Variants in PODXL observed in about 807,000 individuals in gnomAD.
PODXL encodes the protein podocalyxin.
Under a neutral mutation model 48.9 loss-of-function variants are expected in PODXL, and 20 were observed. The ratio of observed to expected loss-of-function variants is 0.41; its 90% confidence interval spans 0.29 to 0.59. PODXL has a LOEUF of 0.59. Among genes scored for constraint, PODXL ranks in the 20% least tolerant of loss-of-function variants. PODXL has a pLI of 0.31. For synonymous variants in PODXL, 295 were observed against 287.4 expected, an observed-to-expected ratio of 1.03 and a Z score of -0.27; for missense variants, 606 against 675.1, an observed-to-expected ratio of 0.90 and a Z score of 1.13.
Position 131,528,181 on chromosome 7 carries a change from C to T in PODXL, c.101-16748G>A, listed in dbSNP as rs138520023. 8.1e-3 allele frequency among the ~76,000 whole-genome samples: 1,240 copies of T among 152,218 alleles called. 23 individuals are homozygous for T. The highest frequency in any genetic ancestry group is 0.026 in the African/African-American group (1,077 of 41,530). ...AAAGTGCTGGGATTTCAGGCGTGAG[C>T]CACCGCACCCAGCTAACACTTCCGT... On this transcript the variant is annotated intron_variant, in intron 1 of 8. Transcript: ENST00000378555.
chr7:131,517,382 C>A (rs563017570), intron 1 of PODXL, among the ~76,000 whole-genome samples: 1 of 152,224 alleles, frequency 6.6e-6, no homozygotes, highest in African/African-American at 2.4e-5. Context: ...CACTGACTTC[C>A]TAGGTGTAGG....
chr7:131,542,540 C>T (rs540163800), intron 1 of PODXL, among the ~76,000 whole-genome samples: 1 of 152,162 alleles, frequency 6.6e-6, no homozygotes, highest in East Asian at 1.9e-4. Flanking sequence ...GCCTGTGGTC[C>T]CAGCTACACA....
intron 1 of PODXL, among the ~76,000 whole-genome samples, chr7:131,532,179 T>G (rs1470598074): frequency 6.7e-6 from 1 of 149,156 alleles, no homozygotes; most frequent in East Asian, 2.0e-4. Context: ...CTCAAGCCTG[T>G]AATCTCAGCA....
intron 1 of PODXL, among the ~76,000 whole-genome samples, chr7:131,527,900 CTT>C (rs759943507): frequency 2.0e-4 from 23 of 116,516 alleles, no homozygotes; most frequent in South Asian, 1.6e-3. Context: ...TAGTCAGACA[CTT>C]TTTTTTTTTT....
In PODXL at chr7:131,511,177, G is replaced by A. The variant is rs146590589; in HGVS notation, c.357C>T (p.Thr119=). The change falls in exon 2 of 9, where the codon ACC becomes ACT. Residue 119 remains threonine (T), a synonymous_variant. Transcript: ENST00000378555. ...RGGGSGNPTT[T]IESPKSTKSA... is the part of the protein sequence containing the mutation. ...TTTTTGTGCTCTTGGGGCTCTCGAT[G>A]GTGGTAGTAGGGTTGCCTGAGCCGC... is the stretch of plus-strand genomic sequence containing the variant. 2,538 of 1,614,036 alleles carry A rather than the reference G, an allele frequency of 1.6e-3. 47 individuals carry two copies. In the South Asian group the frequency reaches 0.019, roughly 12 times the overall value.
intron 1 of PODXL, among the ~76,000 whole-genome samples, chr7:131,554,793 C>T (rs117263618): frequency 0.014 from 2,070 of 152,240 alleles, 21 homozygotes; most frequent in Non-Finnish European, 0.02. Flanking sequence ...TAAGAGGCTT[C>T]CCAACAAAAG....
intron 1 of PODXL, among the ~76,000 whole-genome samples, chr7:131,546,876 T>G (rs1260726427): frequency 2.6e-5 from 4 of 152,146 alleles, no homozygotes; most frequent in Non-Finnish European, 5.9e-5. Flanking sequence ...AAGCCCACCC[T>G]GGCCACCTTC....
intron 1 of PODXL, among the ~76,000 whole-genome samples, chr7:131,512,873 T>C (rs1797936857): frequency 6.6e-6 from 1 of 151,678 alleles, no homozygotes; most frequent in African/African-American, 2.4e-5. Flanking sequence ...CTGGGCGTGG[T>C]GATCCCAGCT....
chr7:131,553,856 A>C (rs142443322), intron 1 of PODXL, among the ~76,000 whole-genome samples: 2 of 152,322 alleles, frequency 1.3e-5, no homozygotes, highest in Non-Finnish European at 2.9e-5. Context: ...AACGAAACGG[A>C]GGCACGGAGA....
rs58747260 is a variant in PODXL, at chr7:131,531,548, T to A, written c.101-20115A>T. Among the ~76,000 whole-genome samples the A allele has an allele frequency of 8.5e-4, 130 of 152,256 alleles. 2 individuals are homozygous for A. The East Asian group carries it at 0.023, about 27-fold the overall frequency. On this transcript the variant is annotated intron_variant, in intron 1 of 8. Coordinates refer to ENST00000378555, the MANE Select transcript of PODXL (RefSeq NM_001018111.3). The stretch of plus-strand genomic sequence containing the variant: ...TTTACCTACGACCGCCATAACAAAT[T>A]ACCACAAAGGCTTAAAACAACAGAA...
At chr7:131,521,277 AC>A (rs1798088035) in intron 1 of PODXL, among the ~76,000 whole-genome samples, 1 of 151,996 alleles carries the variant, frequency 6.6e-6, no homozygotes, top group Non-Finnish European at 1.5e-5. Context: ...GAGCAATGGG[AC>A]CCGAGCACAC....
Position 131,501,424 on chromosome 7 carries a change from C to T in PODXL, c.*2887G>A, listed in dbSNP as rs1584803506. On this transcript the variant is annotated 3_prime_UTR_variant, in exon 9 of 9. Transcript: ENST00000378555. ...CAGTATATTGTCAAAAAAGATAAAG[C>T]TCAAGAAGTGGTTTAAATAAACTTT... 6.6e-6 allele frequency: 1 copy of T among 152,572 alleles called. No individual in the cohort carries two copies. Among genetic ancestry groups the T allele is most frequent in the Non-Finnish European group, 1.5e-5 (1 of 68,026 alleles). 9.5% of individuals were successfully genotyped at this position (152,572 alleles called of 1,614,324 possible). A position where few individuals can be genotyped will look rare whatever the true frequency, so the allele number is the denominator to read the frequency against.
chr7:131,520,336 C>T (rs1184406086), intron 1 of PODXL: 2 of 525,434 alleles, frequency 3.8e-6, no homozygotes, highest in Non-Finnish European at 7.4e-6. Flanking sequence ...ATACCAGGCT[C>T]ATCAAAGCTG....
chr7:131,504,309 G>T lies in PODXL; in HGVS notation c.*2C>A. 1 of 1,613,680 alleles carries T rather than the reference G, an allele frequency of 6.2e-7. No individual in the cohort carries two copies. Among genetic ancestry groups the T allele is most frequent in the South Asian group, 1.1e-5 (1 of 91,062 alleles). On this transcript the variant is annotated 3_prime_UTR_variant, in exon 9 of 9. Transcript: ENST00000378555. Reference sequence around the variant, plus strand: ...GCTGCTGGAGGCCACCGGCAGACCGGACTAGAGGTGTGTGTCTTCCTCCTC... The same window carrying T: ...GCTGCTGGAGGCCACCGGCAGACCGTACTAGAGGTGTGTGTCTTCCTCCTC...
intron 1 of PODXL, among the ~76,000 whole-genome samples, chr7:131,525,928 G>A (rs1379851382): frequency 3.9e-5 from 6 of 152,220 alleles, no homozygotes. Context: ...ATGTCAGTCA[G>A]TCGGAACTCA....
At chr7:131,522,655 A>G (rs1174818095) in intron 1 of PODXL, among the ~76,000 whole-genome samples, 2 of 134,508 alleles carry the variant, frequency 1.5e-5, no homozygotes, top group East Asian at 1.9e-4. Flanking sequence ...CCTTCGCACT[A>G]AAGACACAGC....
chr7:131,525,611 A>T (rs913923758), intron 1 of PODXL, among the ~76,000 whole-genome samples: 7 of 151,576 alleles, frequency 4.6e-5, no homozygotes, highest in African/African-American at 7.3e-5. Context: ...AAAAAAAAAA[A>T]CACAAAAAAA....
At chr7:131,519,578 C>CACT (rs1798061500) in intron 1 of PODXL, among the ~76,000 whole-genome samples, 1 of 150,716 alleles carries the variant, frequency 6.6e-6, no homozygotes, top group Non-Finnish European at 1.5e-5. Flanking sequence ...GCCAAAAAGT[C>CACT]TTTGGAGAGG....
Position 131,510,893 on chromosome 7 carries a change from C to G in PODXL, c.641G>C (p.Ser214Thr). ...SGHDHLMKIS[S>T]SSSTVAIPGY... is the part of the protein sequence containing the mutation. ...AGGGATAGCCACAGTGCTTGAACTG[C>G]TTGAAATTTTCATAAGATGGTCATG... Residue 214 changes from serine (S) to threonine (T), a missense_variant, in exon 2 of 9, where the codon AGC becomes ACC. Coordinates refer to ENST00000378555, the MANE Select transcript of PODXL (RefSeq NM_001018111.3). 6.2e-7 allele frequency: 1 copy of G among 1,614,122 alleles called. No individual in the cohort carries two copies. Among genetic ancestry groups the G allele is most frequent in the Admixed American group, 1.7e-5 (1 of 60,014 alleles).
Sources: gnomAD v4.1 joint callset for allele counts (sites outside exome capture counted in the v4.1 genomes callset) on GRCh38, gnomAD v4.1.1 for gene constraint, MANE v1.5 for transcripts, NCBI Gene and HGNC (gene_info 2026-07-23, HGNC 2026-07-21) for gene names.